MS4A4E: variants seen among roughly 807,000 people sequenced by gnomAD.
The protein encoded by MS4A4E is putative membrane-spanning 4-domains subfamily A member 4E.
MS4A4E carries 23 observed loss-of-function variants against 13.3 expected under a neutral mutation model. That is an observed-to-expected ratio of 1.73 (90% CI 1.25 to 2.45). The LOEUF (loss-of-function observed/expected upper bound fraction) is 2.45. Ranked by LOEUF, MS4A4E falls within the 30% of genes most tolerant of loss-of-function variation. The pLI is 0.00. For synonymous variants in MS4A4E, 36 were observed against 45.6 expected (o/e 0.79, Z 0.85); for missense variants, 144 against 131.2 (o/e 1.10, Z -0.48).
intron 5 of MS4A4E, among the ~76,000 whole-genome samples, chr11:60,209,446 C>T (rs2084091677): frequency 6.6e-6 from 1 of 152,174 alleles, no homozygotes; most frequent in East Asian, 1.9e-4. Context: ...GGAGTACGGC[C>T]TTGCCCACAC....
intron 1 of MS4A4E, among the ~76,000 whole-genome samples, chr11:60,233,463 C>A (rs1245245963): frequency 3.3e-5 from 5 of 152,192 alleles, no homozygotes; most frequent in African/African-American, 1.2e-4. Flanking sequence ...GAGTTACAGC[C>A]TTAGCTTTGT....
At chr11:60,223,859 A>T (rs1457833229) in intron 3 of MS4A4E, among the ~76,000 whole-genome samples, 1 of 151,980 alleles carries the variant, frequency 6.6e-6, no homozygotes, top group East Asian at 1.9e-4. Flanking sequence ...TCTCCTTGTG[A>T]TTGTGTGACT....
At chr11:60,206,844 C>T (rs1195990238) in intron 6 of MS4A4E, 1 of 193,688 alleles carries the variant, frequency 5.2e-6, no homozygotes, top group Non-Finnish European at 1.2e-5. Context: ...CTTTTCTTCT[C>T]TGATTCATTC....
chr11:60,240,631 A>G (rs2084536725), intron 1 of MS4A4E, among the ~76,000 whole-genome samples: 1 of 152,190 alleles, frequency 6.6e-6, no homozygotes, highest in Non-Finnish European at 1.5e-5. Flanking sequence ...TATTTTTTAA[A>G]GCCCCAAGTA....
chr11:60,221,072 G>A (rs1167205238), intron 3 of MS4A4E, among the ~76,000 whole-genome samples: 1 of 152,200 alleles, frequency 6.6e-6, no homozygotes, highest in Non-Finnish European at 1.5e-5. Flanking sequence ...AATCACAGCA[G>A]AGGCCTCTAG....
intron 1 of MS4A4E, among the ~76,000 whole-genome samples, chr11:60,232,046 G>C (rs777226625): frequency 1.2e-4 from 18 of 151,886 alleles, no homozygotes; most frequent in Non-Finnish European, 2.1e-4. Flanking sequence ...AAATAATGTT[G>C]ACAGAAAAAA....
At chr11:60,229,404 A>AT (rs1447924459) in intron 2 of MS4A4E, among the ~76,000 whole-genome samples, 1 of 152,224 alleles carries the variant, frequency 6.6e-6, no homozygotes, top group Non-Finnish European at 1.5e-5. Flanking sequence ...CCTATATTTA[A>AT]TGTTCTTTCA....
chr11:60,232,322 C>CACACACACACACACACACACACA, intron 1 of MS4A4E, among the ~76,000 whole-genome samples: 29 of 112,364 alleles, frequency 2.6e-4, no homozygotes, highest in South Asian at 6.2e-4. Flanking sequence ...CACACACACA[C>CACACACACACACACACACACACA]CAAAAATGAA....
intron 3 of MS4A4E, chr11:60,225,041 A>T: frequency 1.9e-6 from 3 of 1,567,442 alleles, no homozygotes; most frequent in Non-Finnish European, 2.6e-6. Flanking sequence ...TGCAACACAC[A>T]TCATTATTAT....
At chr11:60,221,947 A>G (rs2084275352) in intron 3 of MS4A4E, among the ~76,000 whole-genome samples, 1 of 152,208 alleles carries the variant, frequency 6.6e-6, no homozygotes, top group Non-Finnish European at 1.5e-5. Flanking sequence ...TTGCCCAATG[A>G]GTCCATGAAC....
chr11:60,243,009 G>A lies in MS4A4E; in HGVS notation c.-68C>T. On this transcript the variant is annotated 5_prime_UTR_variant, in exon 1 of 9. Coordinates refer to ENST00000651255, the MANE Select transcript of MS4A4E (RefSeq NM_001393391.1). ...GCAGGTCTGATGAGTGCAGGGCTCTGGGCAAGTTCCTCAAAGTTCTTTGTT... is the reference window on the plus strand; with the variant it reads ...GCAGGTCTGATGAGTGCAGGGCTCTAGGCAAGTTCCTCAAAGTTCTTTGTT... 6.5e-7 allele frequency: 1 copy of A among 1,543,600 alleles called. No homozygotes were observed. The highest frequency in any genetic ancestry group is 1.2e-5 in the South Asian group (1 of 84,052).
At chr11:60,207,508 G>GTT (rs759659494) in intron 6 of MS4A4E, among the ~76,000 whole-genome samples, 1 of 152,174 alleles carries the variant, frequency 6.6e-6, no homozygotes, top group Non-Finnish European at 1.5e-5. Context: ...TTCTATGAGG[G>GTT]AGGGTTGTCG....
chr11:60,227,136 AAT>A (rs949561924), intron 3 of MS4A4E, among the ~76,000 whole-genome samples: 17 of 151,836 alleles, frequency 1.1e-4, no homozygotes, highest in African/African-American at 4.1e-4. Flanking sequence ...CTTAAAAAAA[AAT>A]AAGTCGAATA....
intron 3 of MS4A4E, among the ~76,000 whole-genome samples, chr11:60,215,764 G>T (rs2084184446): frequency 6.6e-6 from 1 of 151,972 alleles, no homozygotes; most frequent in Non-Finnish European, 1.5e-5. Context: ...TGTTATTTAA[G>T]TATGAATAAC....
chr11:60,225,510 A>G (rs2084329833), intron 3 of MS4A4E, among the ~76,000 whole-genome samples: 1 of 152,166 alleles, frequency 6.6e-6, no homozygotes, highest in Non-Finnish European at 1.5e-5. Context: ...AGCAAATCTG[A>G]TGTTTTCTTG....
chr11:60,233,075 C>T (rs1590727579), intron 1 of MS4A4E, among the ~76,000 whole-genome samples: 2 of 152,122 alleles, frequency 1.3e-5, no homozygotes, highest in South Asian at 2.1e-4. Flanking sequence ...GTCCAAGCTT[C>T]TGAGAAACCC....
chr11:60,221,457 CAG>C (rs3038672), intron 3 of MS4A4E, among the ~76,000 whole-genome samples: 60,734 of 151,832 alleles, frequency 0.4, 12,577 homozygotes, highest in East Asian at 0.41. Flanking sequence ...GATCAATTAA[CAG>C]AGGAAGAGAA....
At chr11:60,232,825 C>T (rs144507000) in intron 1 of MS4A4E, among the ~76,000 whole-genome samples, 175 of 152,246 alleles carry the variant, frequency 1.1e-3, no homozygotes, top group Middle Eastern at 3.4e-3. Flanking sequence ...ACTATGCACA[C>T]GTGGAAGCCA....
In MS4A4E at chr11:60,227,922, C is replaced by T. The variant is rs79233227; in HGVS notation, c.178+672G>A. 1.8e-3 allele frequency among the ~76,000 whole-genome samples: 276 copies of T among 151,908 alleles called. 1 individual carries two copies. The highest frequency in any genetic ancestry group is 0.013 in the East Asian group (65 of 5,178). On this transcript the variant is annotated intron_variant, in intron 3 of 8. Coordinates refer to ENST00000651255, the MANE Select transcript of MS4A4E (RefSeq NM_001393391.1). ...GCAAAAATTGAACTTAGACACATACCTTGTATCCTTCACAAAAATTAACTC... is the reference window on the plus strand; with the variant it reads ...GCAAAAATTGAACTTAGACACATACTTTGTATCCTTCACAAAAATTAACTC...
Sources: gnomAD v4.1 joint callset for allele counts (sites outside exome capture counted in the v4.1 genomes callset) on GRCh38, gnomAD v4.1.1 for gene constraint, MANE v1.5 for transcripts, NCBI Gene and HGNC (gene_info 2026-07-23, HGNC 2026-07-21) for gene names.